Variants in CTNNA3 observed in about 807,000 individuals in gnomAD.
The protein encoded by CTNNA3 is catenin alpha-3.
CTNNA3 carries 76 observed loss-of-function variants against 95.7 expected under a neutral mutation model. The ratio of observed to expected loss-of-function variants is 0.79; its 90% confidence interval spans 0.66 to 0.96. CTNNA3 has a LOEUF of 0.96. CTNNA3 is among the 40% of genes least tolerant of loss of function. The probability of loss-of-function intolerance (pLI) is 0.00; values close to 1 mark genes in which losing one functional copy is unlikely to be tolerated. For missense variants in CTNNA3, 1,191 were observed against 1,089.8 expected, an observed-to-expected ratio of 1.09 and a Z score of -1.31; for synonymous variants, 431 against 374.4, an observed-to-expected ratio of 1.15 and a Z score of -1.74.
At chr10:66,511,898 A>G (rs11597952) in intron 11 of CTNNA3, among the ~76,000 whole-genome samples, 22,858 of 151,968 alleles carry the variant, frequency 0.15, 1,784 homozygotes, top group Non-Finnish European at 0.17. Context: ...ATGAAGCTTA[A>G]GTACAATGTT....
chr10:67,207,333 T>C (rs574148706), intron 6 of CTNNA3, among the ~76,000 whole-genome samples: 20 of 152,306 alleles, frequency 1.3e-4, no homozygotes, highest in African/African-American at 4.8e-4. Flanking sequence ...ATATCTGTAA[T>C]TTCTATAGGT....
rs140921734 is a variant in CTNNA3 at position 66,323,978 on chromosome 10, A to G, written c.1733-43357T>C. Among the ~76,000 whole-genome samples, 901 of 152,052 alleles carry G rather than the reference A, an allele frequency of 5.9e-3. 12 individuals are homozygous for G. Among genetic ancestry groups the G allele is most frequent in the African/African-American group, 0.021 (860 of 41,508 alleles). The stretch of plus-strand genomic sequence containing the variant: ...AATGGTCCAACTCCAAGGGAAGATC[A>G]TCTTTCCACTCCATCCCCACTTCTG... On this transcript the variant is annotated intron_variant, in intron 12 of 17. Transcript: ENST00000433211.
At chr10:67,538,463 A>G (rs1382980014) in intron 4 of CTNNA3, among the ~76,000 whole-genome samples, 3 of 151,710 alleles carry the variant, frequency 2.0e-5, no homozygotes, top group Non-Finnish European at 4.4e-5. Flanking sequence ...TGTGCCTGTA[A>G]TCCCGCTATT....
In CTNNA3 at chr10:66,943,410, A is replaced by G. The variant is rs146665682; in HGVS notation, c.1048-167886T>C. ...GAAACTGACTATACCACTCAAAAAG[A>G]CCATCTTTTTATGGTATATCTTCAA... On this transcript the variant is annotated intron_variant, in intron 7 of 17. Coordinates refer to ENST00000433211, the MANE Select transcript of CTNNA3 (RefSeq NM_013266.4). Among the ~76,000 whole-genome samples, 583 of 152,146 alleles carry G rather than the reference A, an allele frequency of 3.8e-3. 4 individuals carry two copies. The highest frequency in any genetic ancestry group is 0.013 in the African/African-American group (558 of 41,510).
intron 1 of CTNNA3, among the ~76,000 whole-genome samples, chr10:67,650,758 A>G (rs1477054025): frequency 1.3e-5 from 2 of 152,222 alleles, no homozygotes; most frequent in East Asian, 3.8e-4. Flanking sequence ...TCTCTATTAC[A>G]GCACGAACCA....
chr10:66,366,602 C>T (rs1414153454), intron 12 of CTNNA3, among the ~76,000 whole-genome samples: 1 of 152,084 alleles, frequency 6.6e-6, no homozygotes, highest in Admixed American at 6.6e-5. Flanking sequence ...TGCATCCTCC[C>T]CAGACATTGA....
chr10:66,051,392 G>A (rs906767966), intron 15 of CTNNA3, among the ~76,000 whole-genome samples: 2 of 152,084 alleles, frequency 1.3e-5, no homozygotes, highest in African/African-American at 4.8e-5. Context: ...CAGTTTCCTG[G>A]ACTTCGTTCC....
At chr10:67,166,834 C>T (rs1235089571) in intron 7 of CTNNA3, among the ~76,000 whole-genome samples, 6 of 152,136 alleles carry the variant, frequency 3.9e-5, no homozygotes, top group African/African-American at 1.2e-4. Context: ...TGGCCGGGCG[C>T]GGTGGCTCAT....
At chr10:66,690,314 T>A (rs1337671383) in intron 9 of CTNNA3, among the ~76,000 whole-genome samples, 1 of 152,138 alleles carries the variant, frequency 6.6e-6, no homozygotes, top group Non-Finnish European at 1.5e-5. Flanking sequence ...TCACGTCTTT[T>A]AATTTTTTTC....
At chr10:66,992,132 C>T (rs1433023306) in intron 7 of CTNNA3, among the ~76,000 whole-genome samples, 1 of 152,170 alleles carries the variant, frequency 6.6e-6, no homozygotes, top group Non-Finnish European at 1.5e-5. Flanking sequence ...AATTTACATT[C>T]CAGCCAGCAG....
At chr10:66,352,893 A>G (rs2092577889) in intron 12 of CTNNA3, among the ~76,000 whole-genome samples, 2 of 152,086 alleles carry the variant, frequency 1.3e-5, no homozygotes, top group Non-Finnish European at 2.9e-5. Flanking sequence ...TTGGGGAGGC[A>G]GACTGTGGTG....
chr10:66,128,799 T>C (rs2082947226), intron 13 of CTNNA3, among the ~76,000 whole-genome samples: 2 of 152,186 alleles, frequency 1.3e-5, no homozygotes, highest in Admixed American at 1.3e-4. Context: ...TATGTGTCAA[T>C]GTAGGTTCAC....
At chr10:66,190,190 T>C (rs1360795273) in intron 13 of CTNNA3, among the ~76,000 whole-genome samples, 1 of 152,136 alleles carries the variant, frequency 6.6e-6, no homozygotes. Context: ...AAGTGATTTA[T>C]CATATATGAA....
chr10:66,932,985 T>C (rs998096328), intron 7 of CTNNA3, among the ~76,000 whole-genome samples: 3 of 152,222 alleles, frequency 2.0e-5, no homozygotes, highest in Non-Finnish European at 4.4e-5. Context: ...CTTTTCTGAA[T>C]TTGAAGTTTC....
chr10:67,104,919 T>C (rs745308106), intron 7 of CTNNA3, among the ~76,000 whole-genome samples: 7 of 152,042 alleles, frequency 4.6e-5, no homozygotes, highest in Non-Finnish European at 1.0e-4. Flanking sequence ...TGTCTTCTCA[T>C]TGTGGCACCA....
chr10:66,081,193 T>C (rs1269396373), intron 14 of CTNNA3, among the ~76,000 whole-genome samples: 1 of 152,090 alleles, frequency 6.6e-6, no homozygotes, highest in Non-Finnish European at 1.5e-5. Context: ...TTGCTTGCCT[T>C]GGGTAGATGC....
chr10:67,560,722 T>A (rs750187547), intron 3 of CTNNA3, among the ~76,000 whole-genome samples: 7 of 152,152 alleles, frequency 4.6e-5, no homozygotes, highest in Admixed American at 6.5e-5. Context: ...GACCCATCAG[T>A]GTGCTGTATT....
intron 2 of CTNNA3, among the ~76,000 whole-genome samples, chr10:67,625,174 A>C (rs998503090): frequency 2.6e-5 from 4 of 152,200 alleles, no homozygotes; most frequent in African/African-American, 7.2e-5. Flanking sequence ...GCTCTCAGCA[A>C]AGTTTTTCTT....
intron 1 of CTNNA3, among the ~76,000 whole-genome samples, chr10:67,726,443 TA>T (rs1564841165): frequency 3.1e-4 from 22 of 71,540 alleles, no homozygotes; most frequent in East Asian, 1.0e-3. Flanking sequence ...ATATATAATA[TA>T]TAATATTATA....
Sources: gnomAD v4.1 joint callset for allele counts (sites outside exome capture counted in the v4.1 genomes callset) on GRCh38, gnomAD v4.1.1 for gene constraint, MANE v1.5 for transcripts, NCBI Gene and HGNC (gene_info 2026-07-23, HGNC 2026-07-21) for gene names.